The following VAC14 variants were observed in gnomAD, a reference collection of about 807,000 sequenced individuals.
VAC14 encodes the protein VAC14 component of PIKFYVE complex.
A neutral mutation model predicts 85.3 loss-of-function variants in VAC14; 47 were observed. That is an observed-to-expected ratio of 0.55 (90% CI 0.44 to 0.70). The LOEUF is 0.70. Among genes scored for constraint, VAC14 ranks in the 30% least tolerant of loss-of-function variants. VAC14 has a pLI of 0.00. For synonymous variants in VAC14, 447 were observed against 430.5 expected (o/e 1.04, Z -0.47); for missense variants, 861 against 1,004.3 (o/e 0.86, Z 1.93).
chr16:70,758,711 C>T (rs2032072710), intron 12 of VAC14, among the ~76,000 whole-genome samples: 1 of 152,230 alleles, frequency 6.6e-6, no homozygotes, highest in Non-Finnish European at 1.5e-5. Context: ...GCAGTCTCAC[C>T]TCCCAAACAG....
intron 14 of VAC14, among the ~76,000 whole-genome samples, chr16:70,705,427 G>A (rs554979997): frequency 6.6e-6 from 1 of 152,386 alleles, no homozygotes; most frequent in East Asian, 1.9e-4. Flanking sequence ...CCAACCTGGC[G>A]CTCAAGGGCA....
intron 13 of VAC14, among the ~76,000 whole-genome samples, chr16:70,736,707 G>A (rs1204444527): frequency 1.3e-5 from 2 of 152,218 alleles, no homozygotes; most frequent in Admixed American, 6.5e-5. Context: ...GCTGCGAGAA[G>A]CCGCAGCAAG....
At chr16:70,778,481 C>T (rs2033638967) in intron 9 of VAC14, 1 of 152,018 alleles carries the variant, frequency 6.6e-6, no homozygotes, top group African/African-American at 2.4e-5. Flanking sequence ...AAAAATTTCA[C>T]CATTTTCAAA....
intron 14 of VAC14, among the ~76,000 whole-genome samples, chr16:70,706,903 C>G (rs141321478): frequency 1.3e-5 from 2 of 152,272 alleles, no homozygotes; most frequent in Non-Finnish European, 2.9e-5. Context: ...TGGAGTCTCA[C>G]GGCCAATAAA....
At chr16:70,714,441 T>A (rs1463481565) in intron 14 of VAC14, 2 of 151,976 alleles carry the variant, frequency 1.3e-5, no homozygotes, top group East Asian at 3.9e-4. Context: ...AGGGCAGGAA[T>A]GGAGGTGACT....
At chr16:70,786,031 C>T in intron 2 of VAC14, 162 bp from the exon 3 acceptor site, 1 of 1,328,754 alleles carries the variant, frequency 7.5e-7, no homozygotes, top group South Asian at 1.4e-5. Flanking sequence ...AGGAGAGGGC[C>T]CATGCCTAGG....
chr16:70,787,119 G>A (rs986551400), intron 1 of VAC14, among the ~76,000 whole-genome samples: 2 of 152,174 alleles, frequency 1.3e-5, no homozygotes, highest in African/African-American at 2.4e-5. Flanking sequence ...TCCAGCAAGG[G>A]ATGACACGCT....
Position 70,687,839 on chromosome 16 carries a change from C to A in VAC14, c.*89G>T. ...TTGGCAGGCCCAGCCCTGGTCCTGA[C>A]AGGCAGGTCCTTGAGCTCCTCGGGA... On this transcript the variant is annotated 3_prime_UTR_variant, in exon 19 of 19. Transcript: ENST00000261776. 7.7e-7 allele frequency: 1 copy of A among 1,304,260 alleles called. No homozygotes were observed. The allele number at this position is 1,304,260 out of a possible 1,614,324, so 80.8% of individuals were successfully genotyped here.
chr16:70,732,345 T>G (rs141690610), intron 13 of VAC14, among the ~76,000 whole-genome samples: 7 of 152,342 alleles, frequency 4.6e-5, no homozygotes, highest in African/African-American at 1.7e-4. Context: ...TGAGGTGACT[T>G]TCTAACCAGG....
intron 15 of VAC14, 103 bp downstream of exon 15, chr16:70,698,534 C>A: frequency 1.4e-6 from 2 of 1,423,676 alleles, no homozygotes; most frequent in South Asian, 1.3e-5. Flanking sequence ...ACCCCGTCTT[C>A]TCCCTGAGAG....
chr16:70,696,300 G>A (rs1180107592), intron 16 of VAC14, among the ~76,000 whole-genome samples: 1 of 152,140 alleles, frequency 6.6e-6, no homozygotes, highest in Non-Finnish European at 1.5e-5. Context: ...ATCGCTTGAG[G>A]TCAGGAGTTT....
chr16:70,697,142 T>C lies in VAC14; in HGVS notation c.1952A>G (p.Lys651Arg). ...ACCACAGTGAGAGGAAGGATACAAC[T>C]TCTGGATGAGGTCATAGGCGTGCCG... Reference protein sequence around the residue: ...NYRHAYDLIQKFGDLEVTVDF... With the variant: ...NYRHAYDLIQRFGDLEVTVDF... Residue 651 changes from lysine to arginine, a missense_variant, in exon 16 of 19, where the codon AAG (lysine) becomes AGG (arginine). By Grantham distance (26) the Lys-to-Arg change is conservative. Transcript: ENST00000261776. 1 of 1,612,556 alleles carries C rather than the reference T, an allele frequency of 6.2e-7. No individual in the cohort carries two copies. The highest frequency in any genetic ancestry group is 8.5e-7 in the Non-Finnish European group (1 of 1,178,894).
chr16:70,798,239 C>T (rs1002540244), intron 1 of VAC14, among the ~76,000 whole-genome samples: 5 of 151,992 alleles, frequency 3.3e-5, no homozygotes, highest in Admixed American at 2.6e-4. Context: ...CTTAAAGGGG[C>T]AACTTACCTA....
chr16:70,798,196 C>G (rs1349990886), intron 1 of VAC14, among the ~76,000 whole-genome samples: 1 of 152,158 alleles, frequency 6.6e-6, no homozygotes, highest in Non-Finnish European at 1.5e-5. Context: ...CTCTTAAACA[C>G]CATGCCACGC....
intron 9 of VAC14, among the ~76,000 whole-genome samples, chr16:70,779,900 T>C (rs2033721614): frequency 6.6e-6 from 1 of 152,044 alleles, no homozygotes; most frequent in Admixed American, 6.6e-5. Flanking sequence ...AGTGGTGTGA[T>C]CATAGCTCAC....
At chr16:70,785,535 G>T (rs2034008294) in intron 3 of VAC14, among the ~76,000 whole-genome samples, 167 bp downstream of exon 3, 1 of 152,304 alleles carries the variant, frequency 6.6e-6, no homozygotes, top group Middle Eastern at 3.4e-3. Context: ...AGGTATAAAT[G>T]CAAGTCCATT....
intron 14 of VAC14, among the ~76,000 whole-genome samples, chr16:70,725,561 G>C (rs1277021112): frequency 7.5e-6 from 1 of 133,294 alleles, no homozygotes; most frequent in Non-Finnish European, 1.6e-5. Flanking sequence ...CCCAACACAA[G>C]GGCTCTTATG....
Position 70,784,726 on chromosome 16 carries a change from G to T in VAC14, c.486+50C>A, listed in dbSNP as rs9923821. On this transcript the variant is annotated intron_variant, in intron 4 of 18. Coordinates refer to ENST00000261776, the MANE Select transcript of VAC14 (RefSeq NM_018052.5). ...ACAGAATTTCTAAGCTTTACAGACA[G>T]ACGGGAGAAACAGATTGTAGAAATA... 3.6e-3 allele frequency: 5,485 copies of T among 1,536,420 alleles called. 158 individuals carry two copies. In the African/African-American group the frequency reaches 0.063, roughly 18 times the overall value.
intron 14 of VAC14, among the ~76,000 whole-genome samples, chr16:70,721,545 A>G (rs1465922105): frequency 1.3e-5 from 2 of 152,144 alleles, no homozygotes; most frequent in Non-Finnish European, 2.9e-5. Context: ...CAGGCTAAAT[A>G]ACCCTGGGTA....
Sources: allele counts gnomAD v4.1 joint callset (sites outside exome capture counted in the v4.1 genomes callset), GRCh38; gene constraint gnomAD v4.1.1; transcripts MANE v1.5; gene names NCBI Gene and HGNC (gene_info 2026-07-23, HGNC 2026-07-21).